The following ARIH1 variants were observed in gnomAD, a reference collection of about 807,000 sequenced individuals.
ARIH1 encodes ariadne RBR E3 ubiquitin protein ligase 1.
A neutral mutation model predicts 85.0 loss-of-function variants in ARIH1; 8 were observed. The observed-to-expected ratio is 0.09, with a 90% CI of 0.06 to 0.17. ARIH1 has a LOEUF of 0.17. Among genes scored for constraint, ARIH1 ranks in the 10% least tolerant of loss-of-function variants. The probability of loss-of-function intolerance (pLI) is 1.00; values close to 1 mark genes in which losing one functional copy is unlikely to be tolerated. For synonymous variants in ARIH1, 238 were observed against 253.6 expected (o/e 0.94, Z 0.59); for missense variants, 311 against 718.1 (o/e 0.43, Z 6.48).
rs555591670 is a variant in ARIH1, at chr15:72,585,128, G to T, written c.*1836G>T. On this transcript the variant is annotated 3_prime_UTR_variant, in exon 14 of 14. Coordinates refer to ENST00000379887, the MANE Select transcript of ARIH1 (RefSeq NM_005744.5). ...AACCCTACTTTTCCTTTTAGAAAAG[G>T]TTGTTACAGGAGATTTACTGGCAAC... The T allele has an allele frequency of 6.6e-6, 1 of 152,002 alleles. No homozygotes were observed. Among genetic ancestry groups the T allele is most frequent in the East Asian group, 1.9e-4 (1 of 5,200 alleles). 9.4% of individuals were successfully genotyped at this position (152,002 alleles called of 1,614,324 possible). A position where few individuals can be genotyped will look rare whatever the true frequency, so the allele number is the denominator to read the frequency against.
intron 1 of ARIH1, among the ~76,000 whole-genome samples, chr15:72,480,408 C>T (rs957486846): frequency 1.3e-5 from 2 of 150,158 alleles, no homozygotes; most frequent in Non-Finnish European, 1.5e-5. Context: ...ATTACAGGCA[C>T]GCGCCACCAC....
chr15:72,560,346 G>T (rs1275270926), intron 5 of ARIH1, among the ~76,000 whole-genome samples: 1 of 152,168 alleles, frequency 6.6e-6, no homozygotes, highest in African/African-American at 2.4e-5. Flanking sequence ...GCTTCCTTGA[G>T]TAATACTTTA....
rs1410065942 is a variant in ARIH1, at chr15:72,599,701, G to C, written c.*16409G>C. Reference sequence around the variant, plus strand: ...ATTTTCTACACTTTATTTGTTTTATGTAACTATTTTAACAACCTGAGGACT... The same window carrying C: ...ATTTTCTACACTTTATTTGTTTTATCTAACTATTTTAACAACCTGAGGACT... On this transcript the variant is annotated 3_prime_UTR_variant, in exon 14 of 14. Transcript: ENST00000379887. The C allele has an allele frequency of 6.6e-6, 1 of 152,074 alleles. No homozygotes were observed. Among genetic ancestry groups the C allele is most frequent in the African/African-American group, 2.4e-5 (1 of 41,396 alleles). 9.4% of individuals were successfully genotyped at this position (152,074 alleles called of 1,614,324 possible). A position where few individuals can be genotyped will look rare whatever the true frequency, so the allele number is the denominator to read the frequency against.
At position 72,601,128 on chromosome 15, in the gene ARIH1, T is replaced by G. The variant is rs2064380878; in HGVS notation, c.*17836T>G. The G allele has an allele frequency of 6.6e-6, 1 of 152,240 alleles. No individual in the cohort carries two copies. The highest frequency in any genetic ancestry group is 1.5e-5 in the Non-Finnish European group (1 of 68,050). The allele number at this position is 152,240 out of a possible 1,614,324, so 9.4% of individuals were successfully genotyped here. On this transcript the variant is annotated 3_prime_UTR_variant, in exon 14 of 14. Transcript: ENST00000379887. ...TTGGAGGTTTTTCCACCTCTAAACT[T>G]GAGAACCCATTTACTTTTTCTCCAT... is the stretch of plus-strand genomic sequence containing the variant.
intron 1 of ARIH1, among the ~76,000 whole-genome samples, chr15:72,504,019 A>G (rs895021649): frequency 1.3e-5 from 2 of 152,104 alleles, no homozygotes; most frequent in Non-Finnish European, 2.9e-5. Flanking sequence ...GCCGCCCTCC[A>G]CTAGTGAGGG....
chr15:72,536,263 T>C (rs1307226657), intron 2 of ARIH1, among the ~76,000 whole-genome samples: 1 of 152,214 alleles, frequency 6.6e-6, no homozygotes, highest in African/African-American at 2.4e-5. Flanking sequence ...TTTTATCTTT[T>C]AAATTTTATT....
chr15:72,535,246 C>T (rs537222611), intron 2 of ARIH1, among the ~76,000 whole-genome samples: 104 of 152,174 alleles, frequency 6.8e-4, no homozygotes, highest in African/African-American at 2.4e-3. Flanking sequence ...CCACCGCGCC[C>T]GGCCTTATTG....
At position 72,583,873 on chromosome 15, in the gene ARIH1, C is replaced by T. The variant is rs750345690; in HGVS notation, c.*581C>T. On this transcript the variant is annotated 3_prime_UTR_variant, in exon 14 of 14. Transcript: ENST00000379887. The stretch of plus-strand genomic sequence containing the variant: ...AAAAACATAAAAACTTTGTATATGA[C>T]TTTTAAAACAAGAGGACAACACAGT... The T allele has an allele frequency of 1.3e-5, 2 of 152,204 alleles. No homozygotes were observed. The highest frequency in any genetic ancestry group is 2.9e-5 in the Non-Finnish European group (2 of 68,064). The allele number at this position is 152,204 out of a possible 1,614,324, so 9.4% of individuals were successfully genotyped here.
intron 3 of ARIH1, among the ~76,000 whole-genome samples, chr15:72,549,215 G>A (rs1180621765): frequency 2.0e-5 from 3 of 151,462 alleles, no homozygotes; most frequent in Non-Finnish European, 4.4e-5. Context: ...AGCCTCCCGA[G>A]TAGCTGGGAT....
chr15:72,530,514 G>T (rs1049013340), intron 2 of ARIH1, among the ~76,000 whole-genome samples: 2 of 152,108 alleles, frequency 1.3e-5, no homozygotes, highest in African/African-American at 2.4e-5. Context: ...CTTGAACTTG[G>T]GTTAAGATAG....
intron 1 of ARIH1, among the ~76,000 whole-genome samples, chr15:72,503,068 C>T (rs1017577953): frequency 4.6e-5 from 7 of 152,116 alleles, no homozygotes; most frequent in African/African-American, 1.7e-4. Flanking sequence ...TCCCTTAGCC[C>T]CACTAGGTGC....
intron 11 of ARIH1, among the ~76,000 whole-genome samples, chr15:72,574,939 A>C (rs1355602421): frequency 1.4e-5 from 2 of 139,356 alleles, no homozygotes; most frequent in Non-Finnish European, 1.5e-5. Context: ...AAAACAAAGA[A>C]GGTTTTTAAA....
chr15:72,540,576 T>A, intron 2 of ARIH1, among the ~76,000 whole-genome samples: 1 of 151,594 alleles, frequency 6.6e-6, no homozygotes. Context: ...AGAATATGAG[T>A]GGATTTTTAG....
At chr15:72,480,143 A>G (rs1252308349) in intron 1 of ARIH1, among the ~76,000 whole-genome samples, 1 of 152,142 alleles carries the variant, frequency 6.6e-6, no homozygotes, top group Non-Finnish European at 1.5e-5. Flanking sequence ...TGCTGGGATT[A>G]CAGGCATGAG....
intron 1 of ARIH1, among the ~76,000 whole-genome samples, chr15:72,511,178 G>A (rs1011028772): frequency 1.3e-5 from 2 of 152,054 alleles, no homozygotes; most frequent in African/African-American, 2.4e-5. Flanking sequence ...CCGTGTACAC[G>A]TTCTTCACAT....
At chr15:72,537,527 A>G (rs1188239658) in intron 2 of ARIH1, among the ~76,000 whole-genome samples, 2 of 152,198 alleles carry the variant, frequency 1.3e-5, no homozygotes, top group Non-Finnish European at 1.5e-5. Context: ...TGCTGTTTTA[A>G]GACAGTCATC....
Position 72,596,643 on chromosome 15 carries a change from C to CT in ARIH1, c.*13356dup, listed in dbSNP as rs1367280183. 1 of 152,028 alleles carries CT rather than the reference C, an allele frequency of 6.6e-6. No homozygotes were observed. Among genetic ancestry groups the CT allele is most frequent in the African/African-American group, 2.4e-5 (1 of 41,410 alleles). 9.4% of individuals were successfully genotyped at this position (152,028 alleles called of 1,614,324 possible). A position where few individuals can be genotyped will look rare whatever the true frequency, so the allele number is the denominator to read the frequency against. On this transcript the variant is annotated 3_prime_UTR_variant, in exon 14 of 14. Coordinates refer to ENST00000379887, the MANE Select transcript of ARIH1 (RefSeq NM_005744.5). ...GATGATTTTTCCCCTGCCCTGTTTTCTTTTTGTTTTCAGTTTGGATACTTT... is the reference window on the plus strand; with the variant it reads ...GATGATTTTTCCCCTGCCCTGTTTTCTTTTTTGTTTTCAGTTTGGATACTTT...
rs1302875429 is a variant in ARIH1 at position 72,589,576 on chromosome 15, G to A, written c.*6284G>A. On this transcript the variant is annotated 3_prime_UTR_variant, in exon 14 of 14. Transcript: ENST00000379887. ...TACATGTTAACTGTTCCTGACACAT[G>A]TAGACAGAACCAATCAGATCCATGG... is the stretch of plus-strand genomic sequence containing the variant. The A allele has an allele frequency of 1.3e-5, 2 of 152,176 alleles. No individual in the cohort carries two copies. Among genetic ancestry groups the A allele is most frequent in the African/African-American group, 2.4e-5 (1 of 41,418 alleles). 9.4% of individuals were successfully genotyped at this position (152,176 alleles called of 1,614,324 possible). A position where few individuals can be genotyped will look rare whatever the true frequency, so the allele number is the denominator to read the frequency against.
chr15:72,519,466 GTTTTTTTTGTT>G (rs2063989160), intron 2 of ARIH1, among the ~76,000 whole-genome samples: 2 of 103,968 alleles, frequency 1.9e-5, no homozygotes, highest in Non-Finnish European at 3.8e-5. Flanking sequence ...TTCTGACCAT[GTTTTTTTTGTT>G]TTTTTTTTTT....
Sources: gnomAD v4.1 joint callset for allele counts (sites outside exome capture counted in the v4.1 genomes callset) on GRCh38, gnomAD v4.1.1 for gene constraint, MANE v1.5 for transcripts, NCBI Gene and HGNC (gene_info 2026-07-23, HGNC 2026-07-21) for gene names.